Variants in RYR2 observed in about 807,000 individuals in gnomAD.
The protein encoded by RYR2 is cardiac muscle ryanodine receptor-calcium release channel.
In RYR2, 227 loss-of-function variants were observed where a neutral mutation model predicts 601.1. That is an observed-to-expected ratio of 0.38 (90% CI 0.34 to 0.42). The LOEUF (loss-of-function observed/expected upper bound fraction) is 0.42, where lower values mean the gene tolerates loss of function less well. Among genes scored for constraint, RYR2 ranks in the 10% least tolerant of loss-of-function variants. The pLI, the probability that RYR2 is intolerant of heterozygous loss-of-function variation, is 1.00. For synonymous variants in RYR2, 2,223 were observed against 2,175.1 expected (o/e 1.02, Z -0.61); for missense variants, 4,646 against 6,156.5 (o/e 0.75, Z 8.21).
At chr1:237,704,196 A>G (rs1220541725) in intron 66 of RYR2, among the ~76,000 whole-genome samples, 7 of 152,116 alleles carry the variant, frequency 4.6e-5, no homozygotes, top group African/African-American at 1.7e-4. Context: ...AAGCCAGATG[A>G]AGGCTGAGAA....
intron 17 of RYR2, among the ~76,000 whole-genome samples, chr1:237,489,849 A>G (rs1262501041): frequency 1.3e-5 from 2 of 152,232 alleles, no homozygotes; most frequent in East Asian, 3.8e-4. Flanking sequence ...TGTTCGTGGC[A>G]TCACTATTCA....
intron 84 of RYR2, among the ~76,000 whole-genome samples, chr1:237,761,888 T>C (rs1693460924): frequency 6.6e-6 from 1 of 152,240 alleles, no homozygotes; most frequent in Admixed American, 6.5e-5. Flanking sequence ...TTTATTGGAC[T>C]AATCTTATTT....
At chr1:237,455,057 T>C (rs1658643697) in intron 15 of RYR2, among the ~76,000 whole-genome samples, 1 of 152,142 alleles carries the variant, frequency 6.6e-6, no homozygotes, top group African/African-American at 2.4e-5. Context: ...GGAACCCTAC[T>C]TGGACAGAGC....
chr1:237,441,393 A>T lies in RYR2; in HGVS notation c.1080A>T (p.Val360=), dbSNP rs1033651844. The T allele has an allele frequency of 6.2e-7, 1 of 1,613,872 alleles. No individual in the cohort carries two copies. Among genetic ancestry groups the T allele is most frequent in the African/African-American group, 1.3e-5 (1 of 75,070 alleles). ...CTGAAATAAAATACGGTGACTCAGT[A>T]TGCTATATACAACATGTAGACACAG... ...GTSEIKYGDS[V]CYIQHVDTGL... is the part of the protein sequence containing the mutation. Residue 360 remains valine (V), a synonymous_variant, in exon 13 of 105, where the codon GTA becomes GTT. Coordinates refer to ENST00000366574, the MANE Select transcript of RYR2 (RefSeq NM_001035.3).
intron 89 of RYR2, 142 bp downstream of exon 89, chr1:237,781,788 C>A (rs1695134550): frequency 4.3e-6 from 2 of 464,122 alleles, no homozygotes; most frequent in Non-Finnish European, 7.7e-6. Context: ...GCTTATTATT[C>A]TTTTTCTCAC....
chr1:237,554,341 C>T (rs1336958517), intron 27 of RYR2, among the ~76,000 whole-genome samples: 6 of 151,868 alleles, frequency 4.0e-5, no homozygotes, highest in African/African-American at 1.4e-4. Flanking sequence ...TAGGATAACT[C>T]TCTTCAGTCA....
chr1:237,231,413 T>TGCCTCC (rs1381946460), intron 1 of RYR2, among the ~76,000 whole-genome samples: 1 of 151,916 alleles, frequency 6.6e-6, no homozygotes, highest in Non-Finnish European at 1.5e-5. Flanking sequence ...CTCCTGCCTC[T>TGCCTCC]GCCTCCCAAA....
chr1:237,463,373 A>G (rs911752183), intron 16 of RYR2, among the ~76,000 whole-genome samples: 1 of 152,138 alleles, frequency 6.6e-6, no homozygotes, highest in Non-Finnish European at 1.5e-5. Context: ...AATTTCTTTT[A>G]ATCTAAATTT....
intron 100 of RYR2, among the ~76,000 whole-genome samples, chr1:237,818,425 T>C (rs1417764153): frequency 6.6e-6 from 1 of 152,176 alleles, no homozygotes; most frequent in East Asian, 1.9e-4. Flanking sequence ...CCTCATTTTT[T>C]AGCAGTAGGC....
At chr1:237,516,735 A>G (rs1666587650) in intron 24 of RYR2, among the ~76,000 whole-genome samples, 1 of 152,284 alleles carries the variant, frequency 6.6e-6, no homozygotes, top group South Asian at 2.1e-4. Flanking sequence ...ATCCTGCTAC[A>G]CATGCCAGGA....
intron 3 of RYR2, among the ~76,000 whole-genome samples, chr1:237,344,423 C>G (rs1192160078): frequency 6.6e-6 from 1 of 152,202 alleles, no homozygotes; most frequent in African/African-American, 2.4e-5. Context: ...TATTCGTTCT[C>G]TATCCAAACT....
intron 10 of RYR2, among the ~76,000 whole-genome samples, chr1:237,404,226 C>T (rs1225556281): frequency 5.9e-5 from 9 of 152,192 alleles, no homozygotes; most frequent in African/African-American, 2.2e-4. Context: ...TGCTACTGCA[C>T]TCCAGCTGTG....
At chr1:237,081,900 G>A (rs1236906357) in intron 1 of RYR2, among the ~76,000 whole-genome samples, 1 of 151,982 alleles carries the variant, frequency 6.6e-6, no homozygotes, top group Admixed American at 6.6e-5. Flanking sequence ...GCACTACTTG[G>A]CGATGATCCC....
chr1:237,329,533 T>C (rs557301867), intron 2 of RYR2, among the ~76,000 whole-genome samples: 255 of 151,910 alleles, frequency 1.7e-3, no homozygotes, highest in African/African-American at 6.0e-3. Context: ...TCCCAGCTAC[T>C]TGGGAGGCTG....
intron 67 of RYR2, among the ~76,000 whole-genome samples, 182 bp downstream of exon 67, chr1:237,705,525 A>G (rs1397793817): frequency 6.6e-6 from 1 of 152,186 alleles, no homozygotes; most frequent in Non-Finnish European, 1.5e-5. Context: ...GAGATATGAT[A>G]CATATAGGGC....
intron 74 of RYR2, among the ~76,000 whole-genome samples, chr1:237,723,956 G>T (rs1463019177): frequency 6.6e-6 from 1 of 151,772 alleles, no homozygotes; most frequent in Non-Finnish European, 1.5e-5. Flanking sequence ...ATCTGGCTTA[G>T]GTAAAATATC....
intron 80 of RYR2, among the ~76,000 whole-genome samples, chr1:237,745,093 G>A (rs1161788812): frequency 6.6e-6 from 1 of 151,956 alleles, no homozygotes; most frequent in South Asian, 2.1e-4. Context: ...GAGCCACCAC[G>A]CCCAGCCACT....
intron 14 of RYR2, among the ~76,000 whole-genome samples, chr1:237,449,237 G>A (rs1025771018): frequency 1.3e-5 from 2 of 151,874 alleles, no homozygotes; most frequent in Non-Finnish European, 2.9e-5. Context: ...TGGTTTATTA[G>A]CTGTAATATT....
intron 25 of RYR2, among the ~76,000 whole-genome samples, chr1:237,539,832 C>A (rs1017413676): frequency 6.6e-6 from 1 of 152,090 alleles, no homozygotes; most frequent in Non-Finnish European, 1.5e-5. Flanking sequence ...CACATTTACC[C>A]CAGAACTTAA....
Sources: allele counts gnomAD v4.1 joint callset (sites outside exome capture counted in the v4.1 genomes callset), GRCh38; gene constraint gnomAD v4.1.1; transcripts MANE v1.5; gene names NCBI Gene and HGNC (gene_info 2026-07-23, HGNC 2026-07-21).